The following RAD51B variants were observed in gnomAD, a reference collection of about 807,000 sequenced individuals.
RAD51B encodes the protein RAD51 paralog B, also known as DNA repair protein RAD51 homolog 2.
A neutral mutation model predicts 42.2 loss-of-function variants in RAD51B; 38 were observed. That is an observed-to-expected ratio of 0.90 (90% confidence interval 0.70 to 1.18). The LOEUF (loss-of-function observed/expected upper bound fraction) is 1.18, where lower values mean the gene tolerates loss of function less well. Among genes scored for constraint, RAD51B ranks in the 50% most tolerant of loss-of-function variants. RAD51B has a pLI of 0.00. For missense variants in RAD51B, 373 were observed against 400.7 expected (o/e 0.93, Z 0.59); for synonymous variants, 154 against 145.2 (o/e 1.06, Z -0.43).
At chr14:68,356,678 A>G (rs1028869052) in intron 8 of RAD51B, among the ~76,000 whole-genome samples, 1 of 152,072 alleles carries the variant, frequency 6.6e-6, no homozygotes, top group South Asian at 2.1e-4. Flanking sequence ...TGGCTGTAGC[A>G]ATTTCTTAAA....
chr14:68,238,088 A>G (rs1447269144), intron 7 of RAD51B, among the ~76,000 whole-genome samples: 3 of 152,106 alleles, frequency 2.0e-5, no homozygotes, highest in African/African-American at 7.2e-5. Context: ...TAACATTTTG[A>G]GGAGCTGCCA....
intron 7 of RAD51B, among the ~76,000 whole-genome samples, chr14:68,128,198 C>G (rs187821278): frequency 6.6e-6 from 1 of 152,258 alleles, no homozygotes; most frequent in East Asian, 1.9e-4. Flanking sequence ...CCAAGTTCTT[C>G]CTTTGGAAGA....
At chr14:68,372,158 A>T (rs2083278182) in intron 8 of RAD51B, among the ~76,000 whole-genome samples, 1 of 152,150 alleles carries the variant, frequency 6.6e-6, no homozygotes, top group Non-Finnish European at 1.5e-5. Context: ...TAAGATGAGG[A>T]CTGAGAATTG....
At chr14:68,135,072 A>G (rs866116005) in intron 7 of RAD51B, among the ~76,000 whole-genome samples, 9 of 152,204 alleles carry the variant, frequency 5.9e-5, no homozygotes, top group Non-Finnish European at 2.9e-5. Context: ...CGTGTTACCA[A>G]TGCAGATGCA....
intron 7 of RAD51B, among the ~76,000 whole-genome samples, chr14:67,997,101 T>C (rs571106684): frequency 8.1e-4 from 123 of 152,270 alleles, no homozygotes; most frequent in African/African-American, 2.8e-3. Context: ...GAGATGTATG[T>C]TAGGTATCTA....
At chr14:67,887,914 C>G (rs1453828186) in intron 7 of RAD51B, among the ~76,000 whole-genome samples, 1 of 152,160 alleles carries the variant, frequency 6.6e-6, no homozygotes, top group Non-Finnish European at 1.5e-5. Context: ...GAGTTTTAGT[C>G]GTTGTTCCAC....
intron 7 of RAD51B, among the ~76,000 whole-genome samples, chr14:68,086,098 C>T (rs2076979617): frequency 6.6e-6 from 1 of 152,192 alleles, no homozygotes; most frequent in Admixed American, 6.5e-5. Context: ...AATTGAATCA[C>T]TCGTGGGCTT....
chr14:68,264,453 T>C (rs1436143885), intron 7 of RAD51B, among the ~76,000 whole-genome samples: 1 of 152,176 alleles, frequency 6.6e-6, no homozygotes, highest in Non-Finnish European at 1.5e-5. Context: ...GTAGCTAGTG[T>C]TTTGAATGGC....
At chr14:68,277,868 A>G (rs2081253903) in intron 7 of RAD51B, among the ~76,000 whole-genome samples, 1 of 152,122 alleles carries the variant, frequency 6.6e-6, no homozygotes, top group Non-Finnish European at 1.5e-5. Flanking sequence ...TCAGCCTACC[A>G]AATAGCTGGG....
intron 8 of RAD51B, among the ~76,000 whole-genome samples, chr14:68,410,425 A>G (rs1202750199): frequency 6.6e-6 from 1 of 152,180 alleles, no homozygotes; most frequent in Non-Finnish European, 1.5e-5. Context: ...GTGGACTTCA[A>G]CCTCTATGTA....
chr14:67,920,757 G>C (rs943480595), intron 7 of RAD51B, among the ~76,000 whole-genome samples: 13 of 151,962 alleles, frequency 8.6e-5, no homozygotes, highest in Non-Finnish European at 1.8e-4. Flanking sequence ...ACAAGTTAGG[G>C]CATCATTCCC....
At chr14:68,204,553 A>C (rs1270731327) in intron 7 of RAD51B, among the ~76,000 whole-genome samples, 1 of 152,242 alleles carries the variant, frequency 6.6e-6, no homozygotes, top group Non-Finnish European at 1.5e-5. Flanking sequence ...GAAAAATGGC[A>C]CTAATAGACT....
intron 7 of RAD51B, among the ~76,000 whole-genome samples, chr14:68,251,395 G>C (rs1203865798): frequency 6.6e-6 from 1 of 152,066 alleles, no homozygotes; most frequent in Non-Finnish European, 1.5e-5. Context: ...TTTTAGAGGA[G>C]AGTGTAGCTA....
chr14:68,588,384 G>A (rs1020367771), intron 10 of RAD51B, among the ~76,000 whole-genome samples: 1 of 152,138 alleles, frequency 6.6e-6, no homozygotes, highest in Non-Finnish European at 1.5e-5. Flanking sequence ...GCTTCAGTCC[G>A]TCCTCTTGCT....
At chr14:68,558,437 G>T (rs1296372498) in intron 10 of RAD51B, among the ~76,000 whole-genome samples, 4 of 152,222 alleles carry the variant, frequency 2.6e-5, no homozygotes, top group Non-Finnish European at 2.9e-5. Flanking sequence ...TGATTGCATC[G>T]TTGTTCTGGA....
At chr14:68,419,744 C>T (rs188518054) in intron 9 of RAD51B, among the ~76,000 whole-genome samples, 29 of 152,288 alleles carry the variant, frequency 1.9e-4, no homozygotes, top group Admixed American at 1.8e-3. Flanking sequence ...ATCTTGCGAG[C>T]ATGGGAGCTT....
chr14:68,671,182 TG>T (rs1350300295), intron 11 of RAD51B, among the ~76,000 whole-genome samples: 4 of 152,186 alleles, frequency 2.6e-5, no homozygotes, highest in Non-Finnish European at 5.9e-5. Flanking sequence ...CATCCTGGGT[TG>T]GTCCGTGTGC....
At chr14:68,637,195 T>C (rs1167698140) in intron 10 of RAD51B, among the ~76,000 whole-genome samples, 1 of 152,138 alleles carries the variant, frequency 6.6e-6, no homozygotes, top group Non-Finnish European at 1.5e-5. Flanking sequence ...TCCTCCCACC[T>C]CAGCCTCCAG....
intron 7 of RAD51B, among the ~76,000 whole-genome samples, chr14:68,044,588 A>G (rs2076268916): frequency 6.6e-6 from 1 of 152,118 alleles, no homozygotes; most frequent in Admixed American, 6.5e-5. Flanking sequence ...TATTTAAATA[A>G]CTGTAAGTAT....
Sources: allele counts gnomAD v4.1 joint callset (sites outside exome capture counted in the v4.1 genomes callset), GRCh38; gene constraint gnomAD v4.1.1; transcripts MANE v1.5; gene names NCBI Gene and HGNC (gene_info 2026-07-23, HGNC 2026-07-21).